KPNA7: variants seen among roughly 807,000 people sequenced by gnomAD.
KPNA7 encodes the protein importin subunit alpha-8.
A neutral mutation model predicts 53.7 loss-of-function variants in KPNA7; 54 were observed. That is an observed-to-expected ratio of 1.01 (90% CI 0.81 to 1.26). KPNA7 has a LOEUF of 1.26. Among genes scored for constraint, KPNA7 ranks in the 50% most tolerant of loss-of-function variants. KPNA7 has a pLI of 0.00. For missense variants in KPNA7, 640 were observed against 644.5 expected, an observed-to-expected ratio of 0.99 and a Z score of 0.07; for synonymous variants, 276 against 259.3, an observed-to-expected ratio of 1.06 and a Z score of -0.62.
In KPNA7 at chr7:99,177,911, G is replaced by A; in HGVS notation, c.1464+9C>T. ...CCTGGATACTCCTCCACGCTCCTAA[G>A]TCACTTACCTCACCAAAGTGCTTCT... On this transcript the variant is annotated intron_variant, in intron 10 of 10. Coordinates refer to ENST00000327442, the MANE Select transcript of KPNA7 (RefSeq NM_001145715.3). 3 of 1,551,714 alleles carry A rather than the reference G, an allele frequency of 1.9e-6. No individual in the cohort carries two copies. Among genetic ancestry groups the A allele is most frequent in the East Asian group, 2.4e-5 (1 of 40,884 alleles).
chr7:99,170,235 AC>A (rs546728267), downstream of KPNA7, among the ~76,000 whole-genome samples: 1 of 151,072 alleles, frequency 6.6e-6, no homozygotes, highest in African/African-American at 2.4e-5. Context: ...AACAACAAAC[AC>A]CCCCCCAAGA....
At chr7:99,205,636 G>A (rs1464406440) in intron 2 of KPNA7, among the ~76,000 whole-genome samples, 1 of 152,136 alleles carries the variant, frequency 6.6e-6, no homozygotes, top group East Asian at 1.9e-4. Flanking sequence ...GATCACTTGA[G>A]GCCAGGAGTT....
At chr7:99,205,794 T>C (rs184332750) in intron 2 of KPNA7, among the ~76,000 whole-genome samples, 247 of 152,302 alleles carry the variant, frequency 1.6e-3, no homozygotes, top group African/African-American at 5.6e-3. Context: ...GAGGTTGCAG[T>C]GAGCCAAGAT....
At chr7:99,167,756 C>G in the KPNA7 span, among the ~76,000 whole-genome samples, 1 of 150,104 alleles carries the variant, frequency 6.7e-6, no homozygotes, top group South Asian at 2.1e-4. Flanking sequence ...GCTAGGATTA[C>G]AGTCATGAGC....
chr7:99,155,490 T>C, the KPNA7 span, among the ~76,000 whole-genome samples: 17 of 152,194 alleles, frequency 1.1e-4, no homozygotes, highest in African/African-American at 3.9e-4. Flanking sequence ...CCTGGAGTTT[T>C]CTTACACATT....
At chr7:99,201,858 C>T (rs576219328) in intron 3 of KPNA7, among the ~76,000 whole-genome samples, 3 of 151,964 alleles carry the variant, frequency 2.0e-5, no homozygotes, top group South Asian at 4.2e-4. Context: ...CAGGCACCCA[C>T]TACCACACCC....
At chr7:99,180,879 G>A (rs1362114832) in intron 9 of KPNA7, among the ~76,000 whole-genome samples, 1 of 26,646 alleles carries the variant, frequency 3.8e-5, no homozygotes, top group East Asian at 9.9e-4. Context: ...CTCTCTCCCC[G>A]TCTGTGTCTC....
chr7:99,168,253 T>C, the KPNA7 span, among the ~76,000 whole-genome samples: 1 of 152,180 alleles, frequency 6.6e-6, no homozygotes, highest in Non-Finnish European at 1.5e-5. Context: ...TTAAACACAT[T>C]GATACTTAGG....
At chr7:99,155,996 C>T in the KPNA7 span, among the ~76,000 whole-genome samples, 8 of 152,074 alleles carry the variant, frequency 5.3e-5, no homozygotes, top group Admixed American at 4.6e-4. Flanking sequence ...ACCTGGAGCT[C>T]GCTGCCTGTC....
At chr7:99,192,004 G>A (rs10237782) in intron 6 of KPNA7, among the ~76,000 whole-genome samples, 1,707 of 152,160 alleles carry the variant, frequency 0.011, 33 homozygotes, top group African/African-American at 0.039. Context: ...GAGGCAAATC[G>A]AGAACCCAGT....
chr7:99,174,508 G>A (rs10953281), intron 10 of KPNA7, among the ~76,000 whole-genome samples: 84,170 of 151,858 alleles, frequency 0.55, 24,118 homozygotes, highest in East Asian at 0.65. Context: ...TGTCAAAAAC[G>A]TTGGGATCAC....
At chr7:99,172,961 G>A (rs1405187392), downstream of KPNA7, among the ~76,000 whole-genome samples, 2 of 148,702 alleles carry the variant, frequency 1.3e-5, no homozygotes, top group African/African-American at 5.0e-5. Context: ...TATTTGGCAG[G>A]AGAGGCAGGA....
chr7:99,195,688 G>A (rs1037150649), intron 4 of KPNA7, among the ~76,000 whole-genome samples: 2 of 152,118 alleles, frequency 1.3e-5, no homozygotes, highest in African/African-American at 4.8e-5. Context: ...GGGTGACAGA[G>A]TGAGACTCCA....
intron 3 of KPNA7, among the ~76,000 whole-genome samples, chr7:99,198,521 G>A (rs943645565): frequency 6.6e-6 from 1 of 151,978 alleles, no homozygotes; most frequent in Admixed American, 6.6e-5. Flanking sequence ...TAATAAAGGG[G>A]GGGGAACCCA....
chr7:99,163,052 A>G, the KPNA7 span, among the ~76,000 whole-genome samples: 1 of 151,438 alleles, frequency 6.6e-6, no homozygotes, highest in African/African-American at 2.4e-5. Context: ...GTGGTGGCAC[A>G]CTCCTATAAT....
At chr7:99,202,271 A>G (rs757095076) in intron 3 of KPNA7, among the ~76,000 whole-genome samples, 3 of 152,264 alleles carry the variant, frequency 2.0e-5, no homozygotes, top group South Asian at 2.1e-4. Context: ...GTGTACCCCA[A>G]AAGAATATAG....
chr7:99,194,057 A>T (rs956895975), intron 5 of KPNA7, among the ~76,000 whole-genome samples: 6 of 152,146 alleles, frequency 3.9e-5, no homozygotes, highest in Admixed American at 3.9e-4. Context: ...TTGGAGGTCT[A>T]ATCATACTGT....
At chr7:99,174,956 A>G (rs116539071) in intron 10 of KPNA7, among the ~76,000 whole-genome samples, 3,494 of 151,842 alleles carry the variant, frequency 0.023, 136 homozygotes, top group African/African-American at 0.081. Flanking sequence ...GATTATGAGC[A>G]CCCGTCACCA....
At chr7:99,151,748 C>T in the KPNA7 span, among the ~76,000 whole-genome samples, 1 of 152,174 alleles carries the variant, frequency 6.6e-6, no homozygotes, top group East Asian at 1.9e-4. Flanking sequence ...TGAGCCACTG[C>T]ACCTGGCCAC....
Sources: gnomAD v4.1 joint callset for allele counts (sites outside exome capture counted in the v4.1 genomes callset) on GRCh38, gnomAD v4.1.1 for gene constraint, MANE v1.5 for transcripts, NCBI Gene and HGNC (gene_info 2026-07-23, HGNC 2026-07-21) for gene names.